The following QTMAN variants were observed in gnomAD, a reference collection of about 807,000 sequenced individuals.
QTMAN encodes queuosine-tRNA mannosyltransferase.
the QTMAN span, among the ~76,000 whole-genome samples, chr2:144,189,701 C>T: frequency 3.9e-5 from 6 of 152,106 alleles, no homozygotes; most frequent in Admixed American, 3.9e-4. Context: ...CTCCCTGCAA[C>T]CTCCGCCTCC....
chr2:144,081,720 G>C, the QTMAN span, among the ~76,000 whole-genome samples: 3 of 152,132 alleles, frequency 2.0e-5, no homozygotes, highest in Non-Finnish European at 2.9e-5. Flanking sequence ...CTACTGTTGG[G>C]AATCTGTTCT....
At chr2:144,127,752 A>T in the QTMAN span, among the ~76,000 whole-genome samples, 2 of 151,974 alleles carry the variant, frequency 1.3e-5, no homozygotes, top group East Asian at 3.9e-4. Flanking sequence ...TCTAGGACTT[A>T]ATGTTAGAGA....
At chr2:144,034,350 CTTG>C in the QTMAN span, among the ~76,000 whole-genome samples, 1 of 152,322 alleles carries the variant, frequency 6.6e-6, no homozygotes, top group Non-Finnish European at 1.5e-5. Context: ...TCCTCTCGCA[CTTG>C]TTATTATTTG....
At chr2:144,005,134 A>G in the QTMAN span, among the ~76,000 whole-genome samples, 1 of 151,972 alleles carries the variant, frequency 6.6e-6, no homozygotes, top group Non-Finnish European at 1.5e-5. Flanking sequence ...GCTTTCTGTC[A>G]TTTCCCCTCC....
the QTMAN span, among the ~76,000 whole-genome samples, chr2:144,041,013 GT>G: frequency 2.6e-5 from 4 of 152,072 alleles, no homozygotes; most frequent in Non-Finnish European, 4.4e-5. Context: ...TTGTCAAATA[GT>G]TCATTCATTC....
chr2:144,144,406 T>C, the QTMAN span, among the ~76,000 whole-genome samples: 1 of 151,920 alleles, frequency 6.6e-6, no homozygotes, highest in South Asian at 2.1e-4. Context: ...CAATGATTTC[T>C]CAGGGGTAAT....
the QTMAN span, among the ~76,000 whole-genome samples, chr2:144,190,682 C>T: frequency 6.6e-6 from 1 of 151,988 alleles, no homozygotes; most frequent in African/African-American, 2.4e-5. Context: ...ATATCATTTC[C>T]AAGAAATATT....
chr2:144,219,128 T>G, the QTMAN span, among the ~76,000 whole-genome samples: 1 of 152,100 alleles, frequency 6.6e-6, no homozygotes. Context: ...GACCTTTTTT[T>G]TAATTCTTCT....
chr2:144,188,194 G>C, the QTMAN span, among the ~76,000 whole-genome samples: 1 of 152,146 alleles, frequency 6.6e-6, no homozygotes, highest in Admixed American at 6.5e-5. Context: ...TGCAAGAAGA[G>C]ATAGCCAGGC....
the QTMAN span, among the ~76,000 whole-genome samples, chr2:143,969,612 C>T: frequency 6.6e-6 from 1 of 152,198 alleles, no homozygotes; most frequent in Non-Finnish European, 1.5e-5. Context: ...GAGGTAAGTA[C>T]CATGAAGATG....
chr2:144,107,246 T>C, the QTMAN span, among the ~76,000 whole-genome samples: 4 of 151,686 alleles, frequency 2.6e-5, no homozygotes, highest in Non-Finnish European at 4.4e-5. Context: ...AGGCAAGAAA[T>C]AACTAAGATC....
chr2:144,117,884 T>C, the QTMAN span, among the ~76,000 whole-genome samples: 17 of 152,178 alleles, frequency 1.1e-4, no homozygotes, highest in Non-Finnish European at 2.4e-4. Context: ...CTCACTCTGT[T>C]GCCCAGGCTG....
At chr2:143,969,672 T>C in the QTMAN span, among the ~76,000 whole-genome samples, 1 of 152,088 alleles carries the variant, frequency 6.6e-6, no homozygotes, top group Non-Finnish European at 1.5e-5. Flanking sequence ...CGAAAGAAAA[T>C]GCCCCTGAGC....
the QTMAN span, among the ~76,000 whole-genome samples, chr2:144,072,968 C>T: frequency 1.3e-5 from 2 of 152,160 alleles, no homozygotes; most frequent in Middle Eastern, 3.4e-3. Flanking sequence ...ACAAGTTTTG[C>T]TCTGTGGCCA....
chr2:144,233,307 G>C, the QTMAN span, among the ~76,000 whole-genome samples: 34 of 152,150 alleles, frequency 2.2e-4, no homozygotes, highest in Admixed American at 1.1e-3. Flanking sequence ...ATATCTAAGA[G>C]AGTGGAAAAG....
the QTMAN span, among the ~76,000 whole-genome samples, chr2:144,269,206 T>C: frequency 6.6e-6 from 1 of 152,226 alleles, no homozygotes; most frequent in Admixed American, 6.5e-5. Flanking sequence ...GTATTCACCG[T>C]TACTTTTAAT....
the QTMAN span, chr2:144,141,928 T>TG: frequency 5.6e-6 from 9 of 1,611,764 alleles, no homozygotes; most frequent in South Asian, 9.9e-5. Context: ...ACTTGGCACT[T>TG]GGGTCTGATG....
At chr2:144,272,999 TA>T in the QTMAN span, among the ~76,000 whole-genome samples, 1 of 152,062 alleles carries the variant, frequency 6.6e-6, no homozygotes, top group South Asian at 2.1e-4. Flanking sequence ...AATAATTATT[TA>T]AAAACACTAA....
the QTMAN span, among the ~76,000 whole-genome samples, chr2:144,168,894 TA>T: frequency 1.3e-5 from 2 of 152,010 alleles, no homozygotes; most frequent in Non-Finnish European, 2.9e-5. Flanking sequence ...CATCATTAAG[TA>T]AAAAAACCAT....
Sources: gnomAD v4.1 joint callset for allele counts (sites outside exome capture counted in the v4.1 genomes callset) on GRCh38, gnomAD v4.1.1 for gene constraint, MANE v1.5 for transcripts, NCBI Gene and HGNC (gene_info 2026-07-23, HGNC 2026-07-21) for gene names.